PPM1L: variants seen among roughly 807,000 people sequenced by gnomAD.
PPM1L encodes the protein protein phosphatase 1L.
In PPM1L, 13 loss-of-function variants were observed where a neutral mutation model predicts 31.4. The ratio of observed to expected loss-of-function variants is 0.41; its 90% CI spans 0.27 to 0.66. The LOEUF is 0.66. PPM1L is among the 30% of genes least tolerant of loss of function. PPM1L has a pLI of 0.29. For synonymous variants in PPM1L, 184 were observed against 175.4 expected, an observed-to-expected ratio of 1.05 and a Z score of -0.39; for missense variants, 326 against 453.7, an observed-to-expected ratio of 0.72 and a Z score of 2.56.
intron 1 of PPM1L, among the ~76,000 whole-genome samples, chr3:160,848,948 G>A (rs898742275): frequency 6.6e-6 from 1 of 151,824 alleles, no homozygotes; most frequent in African/African-American, 2.4e-5. Flanking sequence ...TTTTTCCCCT[G>A]TGTATTTCAC....
intron 1 of PPM1L, among the ~76,000 whole-genome samples, chr3:160,960,558 T>TTGTGTG (rs59297068): frequency 1.1e-3 from 167 of 145,570 alleles, no homozygotes; most frequent in Middle Eastern, 7.0e-3. Flanking sequence ...TTTAGCAGTT[T>TTGTGTG]TGTGTGTGTG....
chr3:161,068,340 T>G (rs1257534910), intron 3 of PPM1L, among the ~76,000 whole-genome samples: 1 of 152,192 alleles, frequency 6.6e-6, no homozygotes, highest in African/African-American at 2.4e-5. Context: ...TGTGTGCTTT[T>G]TCTTAATCTT....
At chr3:161,020,346 A>T in intron 2 of PPM1L, among the ~76,000 whole-genome samples, 1 of 152,174 alleles carries the variant, frequency 6.6e-6, no homozygotes, top group East Asian at 1.9e-4. Flanking sequence ...AATAAGACAT[A>T]GGAGACAGTC....
rs974725340 is a variant in PPM1L at position 161,071,081 on chromosome 3, G to A, written c.*1924G>A. ...GGAGACACTGAATATGTGGATGTGT[G>A]TATTAATATTTGGGGTGGGGACAGG... On this transcript the variant is annotated 3_prime_UTR_variant, in exon 4 of 4. Transcript: ENST00000498165. 1.7e-4 allele frequency: 26 copies of A among 152,224 alleles called. No homozygotes were observed. The highest frequency in any genetic ancestry group is 6.3e-4 in the African/African-American group (26 of 41,444). 9.4% of individuals were successfully genotyped at this position (152,224 alleles called of 1,614,324 possible). A position where few individuals can be genotyped will look rare whatever the true frequency, so the allele number is the denominator to read the frequency against.
rs1425494280 is a variant in PPM1L, at chr3:161,075,394, A to G, written c.*6237A>G. On this transcript the variant is annotated 3_prime_UTR_variant, in exon 4 of 4. Coordinates refer to ENST00000498165, the MANE Select transcript of PPM1L (RefSeq NM_139245.4). ...TTTAATAGTAATTTCTGACACCTGC[A>G]CATAGATGAAGAAAAGGCAGTTGTT... The G allele has an allele frequency of 6.6e-6, 1 of 152,192 alleles. No homozygotes were observed. Among genetic ancestry groups the G allele is most frequent in the Non-Finnish European group, 1.5e-5 (1 of 68,034 alleles). 9.4% of individuals were successfully genotyped at this position (152,192 alleles called of 1,614,324 possible).
chr3:160,906,611 G>GAAAAA (rs1480831807), intron 1 of PPM1L, among the ~76,000 whole-genome samples: 1 of 117,754 alleles, frequency 8.5e-6, no homozygotes, highest in African/African-American at 3.0e-5. Flanking sequence ...ATAAAGAAAA[G>GAAAAA]AAAAGAAAAG....
At chr3:160,889,144 A>G (rs2108044359) in intron 1 of PPM1L, among the ~76,000 whole-genome samples, 1 of 152,334 alleles carries the variant, frequency 6.6e-6, no homozygotes, top group Non-Finnish European at 1.5e-5. Context: ...ACAAGAAATA[A>G]CTAAGATCAG....
intron 1 of PPM1L, among the ~76,000 whole-genome samples, chr3:160,938,435 T>C (rs2108085034): frequency 6.6e-6 from 1 of 152,338 alleles, no homozygotes; most frequent in Admixed American, 6.5e-5. Context: ...CTTAATATGA[T>C]AGCTGCAAAA....
rs374622312 is a variant in PPM1L, at chr3:160,828,396, A to G, written c.399+71689A>G. ...GAATTGGTACTATCCTATGGAATTCATACACTGAGTAGGCATTCAACAAGT... is the reference window on the plus strand; with the variant it reads ...GAATTGGTACTATCCTATGGAATTCGTACACTGAGTAGGCATTCAACAAGT... On this transcript the variant is annotated intron_variant, in intron 1 of 3. Transcript: ENST00000498165. 2.1e-4 allele frequency among the ~76,000 whole-genome samples: 32 copies of G among 152,274 alleles called. No individual in the cohort carries two copies. The East Asian group carries it at 3.9e-3, about 18-fold the overall frequency.
chr3:160,810,576 A>C (rs1712775758), intron 1 of PPM1L, among the ~76,000 whole-genome samples: 1 of 152,210 alleles, frequency 6.6e-6, no homozygotes, highest in South Asian at 2.1e-4. Context: ...TATTTTAACC[A>C]GAAACATTTG....
At chr3:160,874,817 A>G (rs1174734794) in intron 1 of PPM1L, among the ~76,000 whole-genome samples, 1 of 152,172 alleles carries the variant, frequency 6.6e-6, no homozygotes, top group African/African-American at 2.4e-5. Flanking sequence ...CATATTAGAG[A>G]GAGCACATGG....
chr3:160,807,809 CT>C (rs780117248), intron 1 of PPM1L, among the ~76,000 whole-genome samples: 9,110 of 138,742 alleles, frequency 0.066, 286 homozygotes, highest in African/African-American at 0.084. Context: ...TGCTTGGGCA[CT>C]TTTTTTTTTT....
intron 1 of PPM1L, among the ~76,000 whole-genome samples, chr3:160,784,955 C>T (rs1303702455): frequency 6.6e-6 from 1 of 152,216 alleles, no homozygotes; most frequent in Non-Finnish European, 1.5e-5. Context: ...CAGGAAACTA[C>T]TCTGACCAGT....
At chr3:160,886,312 T>G (rs1712914894) in intron 1 of PPM1L, among the ~76,000 whole-genome samples, 1 of 152,132 alleles carries the variant, frequency 6.6e-6, no homozygotes, top group South Asian at 2.1e-4. Context: ...CCCAGATGAG[T>G]GGGTTTCCCC....
At chr3:160,867,179 G>A (rs1264051363) in intron 1 of PPM1L, among the ~76,000 whole-genome samples, 2 of 152,094 alleles carry the variant, frequency 1.3e-5, no homozygotes, top group Non-Finnish European at 2.9e-5. Flanking sequence ...AAGATGATCA[G>A]CAAATAATAT....
chr3:161,072,581 A>G lies in PPM1L; in HGVS notation c.*3424A>G, dbSNP rs1441446181. 1.3e-5 allele frequency: 2 copies of G among 152,202 alleles called. No individual in the cohort carries two copies. Among genetic ancestry groups the G allele is most frequent in the African/African-American group, 4.8e-5 (2 of 41,440 alleles). 9.4% of individuals were successfully genotyped at this position (152,202 alleles called of 1,614,324 possible). The stretch of plus-strand genomic sequence containing the variant: ...TCTAGGAAATTGATTCCACTGTTGG[A>G]TTCTAGGAAATTGAGTCCACTGTTT... On this transcript the variant is annotated 3_prime_UTR_variant, in exon 4 of 4. Transcript: ENST00000498165.
chr3:160,889,672 A>C (rs1214919817), intron 1 of PPM1L, among the ~76,000 whole-genome samples: 1 of 152,224 alleles, frequency 6.6e-6, no homozygotes, highest in Non-Finnish European at 1.5e-5. Context: ...TCATCCTGAT[A>C]CCAAAACTAG....
chr3:161,043,839 G>A (rs1270498539), intron 2 of PPM1L, among the ~76,000 whole-genome samples: 3 of 152,040 alleles, frequency 2.0e-5, no homozygotes, highest in Admixed American at 1.3e-4. Context: ...TGCTGGAGAG[G>A]ATGTATCTGG....
chr3:160,757,636 T>C (rs1262341431), intron 1 of PPM1L, among the ~76,000 whole-genome samples: 2 of 152,260 alleles, frequency 1.3e-5, no homozygotes, highest in Non-Finnish European at 2.9e-5. Flanking sequence ...CAAATGTGGC[T>C]CTAGCGCCAT....
Sources: allele counts gnomAD v4.1 joint callset (sites outside exome capture counted in the v4.1 genomes callset), GRCh38; gene constraint gnomAD v4.1.1; transcripts MANE v1.5; gene names NCBI Gene and HGNC (gene_info 2026-07-23, HGNC 2026-07-21).